The following EYA1 variants were observed in gnomAD, a reference collection of about 807,000 sequenced individuals.
The protein encoded by EYA1 is protein phosphatase EYA1.
In EYA1, 16 loss-of-function variants were observed where a neutral mutation model predicts 82.0. That is an observed-to-expected ratio of 0.20 (90% CI 0.13 to 0.30). The LOEUF (loss-of-function observed/expected upper bound fraction) is 0.30, where lower values mean the gene tolerates loss of function less well. Ranked by LOEUF, EYA1 falls within the 10% of genes least tolerant of loss-of-function variation. The probability of loss-of-function intolerance (pLI) is 1.00; values close to 1 mark genes in which losing one functional copy is unlikely to be tolerated. For missense variants in EYA1, 633 were observed against 730.7 expected, an observed-to-expected ratio of 0.87 and a Z score of 1.54; for synonymous variants, 261 against 264.4, an observed-to-expected ratio of 0.99 and a Z score of 0.12.
At chr8:71,413,391 C>A (rs1400492258) in intron 2 of EYA1, among the ~76,000 whole-genome samples, 1 of 152,174 alleles carries the variant, frequency 6.6e-6, no homozygotes, top group Non-Finnish European at 1.5e-5. Flanking sequence ...TATCCTAGTT[C>A]TGCTTCTCAT....
intron 12 of EYA1, among the ~76,000 whole-genome samples, chr8:71,222,508 AC>A (rs1810054164): frequency 6.6e-6 from 1 of 152,204 alleles, no homozygotes; most frequent in African/African-American, 2.4e-5. Context: ...CCAAAGCACC[AC>A]ATCTTGGCAC....
At chr8:71,335,931 G>T (rs775909983) in intron 3 of EYA1, among the ~76,000 whole-genome samples, 8 of 152,090 alleles carry the variant, frequency 5.3e-5, no homozygotes, top group Non-Finnish European at 1.0e-4. Context: ...CTAAGCAAAA[G>T]ATTAGAATTA....
intron 11 of EYA1, among the ~76,000 whole-genome samples, chr8:71,246,709 T>G (rs899959566): frequency 6.6e-6 from 1 of 152,206 alleles, no homozygotes; most frequent in Non-Finnish European, 1.5e-5. Flanking sequence ...TATTCTCACA[T>G]AGACTAATAA....
chr8:71,320,682 T>C (rs1822440303), intron 6 of EYA1, among the ~76,000 whole-genome samples: 1 of 152,160 alleles, frequency 6.6e-6, no homozygotes, highest in Non-Finnish European at 1.5e-5. Flanking sequence ...TATTTGTATA[T>C]ATTTTATAAG....
At chr8:71,378,135 T>C (rs1476910331) in intron 2 of EYA1, among the ~76,000 whole-genome samples, 1 of 152,154 alleles carries the variant, frequency 6.6e-6, no homozygotes, top group East Asian at 1.9e-4. Context: ...AGCTAAATTT[T>C]AAAATTTGAA....
At chr8:71,547,119 TTACCTC>T in intron 1 of EYA1, among the ~76,000 whole-genome samples, 1 of 151,074 alleles carries the variant, frequency 6.6e-6, no homozygotes. Flanking sequence ...CCCCTCCAAT[TTACCTC>T]TACTTCTTTT....
chr8:71,240,056 T>C (rs1194442221), intron 12 of EYA1, among the ~76,000 whole-genome samples: 1 of 152,172 alleles, frequency 6.6e-6, no homozygotes, highest in Non-Finnish European at 1.5e-5. Context: ...TTATAGATGA[T>C]AACCTAAGTT....
intron 2 of EYA1, among the ~76,000 whole-genome samples, chr8:71,368,837 T>TGA (rs981979246): frequency 1.1e-4 from 16 of 152,044 alleles, no homozygotes; most frequent in Non-Finnish European, 2.1e-4. Flanking sequence ...TTATGCCTAT[T>TGA]ATCAACCCAC....
chr8:71,367,365 A>C (rs1361807347), intron 2 of EYA1, among the ~76,000 whole-genome samples: 1 of 152,120 alleles, frequency 6.6e-6, no homozygotes, highest in Admixed American at 6.5e-5. Context: ...TTATATTAAA[A>C]GTGCACTTCA....
chr8:71,317,932 T>A (rs1822110464), intron 6 of EYA1, among the ~76,000 whole-genome samples: 1 of 152,172 alleles, frequency 6.6e-6, no homozygotes, highest in Admixed American at 6.5e-5. Context: ...TCAAGACATA[T>A]CCCTTCTATA....
chr8:71,536,838 G>A (rs1208756622), intron 1 of EYA1, among the ~76,000 whole-genome samples: 1 of 152,170 alleles, frequency 6.6e-6, no homozygotes, highest in Admixed American at 6.5e-5. Flanking sequence ...TGGAAGTCAA[G>A]AGATTTCAAT....
At chr8:71,213,665 G>A (rs1270013805) in intron 16 of EYA1, among the ~76,000 whole-genome samples, 1 of 152,192 alleles carries the variant, frequency 6.6e-6, no homozygotes, top group African/African-American at 2.4e-5. Context: ...TAACTTGAAA[G>A]GTTAGCCTGG....
chr8:71,423,408 T>A (rs934477853), intron 2 of EYA1, among the ~76,000 whole-genome samples: 13 of 152,336 alleles, frequency 8.5e-5, no homozygotes, highest in African/African-American at 2.9e-4. Flanking sequence ...TATCTTTATA[T>A]TTTCTGATCC....
intron 12 of EYA1, among the ~76,000 whole-genome samples, chr8:71,219,929 G>A (rs571386936): frequency 2.0e-5 from 3 of 152,174 alleles, no homozygotes; most frequent in African/African-American, 7.2e-5. Flanking sequence ...TTGCCTTCTG[G>A]ACTAGGTTGT....
chr8:71,285,814 C>T (rs1444174686), intron 9 of EYA1, among the ~76,000 whole-genome samples: 1 of 152,180 alleles, frequency 6.6e-6, no homozygotes, highest in Admixed American at 6.5e-5. Context: ...GTAATTTCTT[C>T]CTGAGCATGT....
At chr8:71,334,762 C>T (rs1375800353) in intron 3 of EYA1, among the ~76,000 whole-genome samples, 1 of 152,152 alleles carries the variant, frequency 6.6e-6, no homozygotes, top group Non-Finnish European at 1.5e-5. Flanking sequence ...ATGTATGCTT[C>T]GTACCAAAAA....
At chr8:71,365,667 C>T (rs1047328794), upstream of EYA1, among the ~76,000 whole-genome samples, 2 of 152,246 alleles carry the variant, frequency 1.3e-5, no homozygotes, top group Non-Finnish European at 2.9e-5. Flanking sequence ...GCACTACCTC[C>T]CTGGCTTCTT....
intron 2 of EYA1, among the ~76,000 whole-genome samples, chr8:71,503,949 T>TG (rs1400285533): frequency 1.3e-5 from 2 of 152,158 alleles, no homozygotes; most frequent in Non-Finnish European, 1.5e-5. Flanking sequence ...GCTGGAATGG[T>TG]GGGGGGTGGT....
In EYA1 at chr8:71,362,042, C is replaced by G. The variant is rs2129079841; in HGVS notation, c.-450G>C. ...TTTGCGCCCAGCGCTCCTTCCCCAC[C>G]AAACAGCAGCGGCAGATAGCATCTG... On this transcript the variant is annotated 5_prime_UTR_variant, in exon 1 of 18. Coordinates refer to ENST00000340726, the MANE Select transcript of EYA1 (RefSeq NM_000503.6). 1 of 985,378 alleles carries G rather than the reference C, an allele frequency of 1.0e-6. No homozygotes were observed. Among genetic ancestry groups the G allele is most frequent in the Non-Finnish European group, 1.2e-6 (1 of 829,990 alleles). 61.0% of individuals were successfully genotyped at this position (985,378 alleles called of 1,614,324 possible).
Sources: gnomAD v4.1 joint callset for allele counts (sites outside exome capture counted in the v4.1 genomes callset) on GRCh38, gnomAD v4.1.1 for gene constraint, MANE v1.5 for transcripts, NCBI Gene and HGNC (gene_info 2026-07-23, HGNC 2026-07-21) for gene names.